The following PTPRM variants were observed in gnomAD, a reference collection of about 807,000 sequenced individuals.
PTPRM encodes the protein receptor-type tyrosine-protein phosphatase mu.
A neutral mutation model predicts 186.7 loss-of-function variants in PTPRM; 47 were observed. That is an observed-to-expected ratio of 0.25 (90% CI 0.20 to 0.32). The LOEUF (loss-of-function observed/expected upper bound fraction) is 0.32. Ranked by LOEUF, PTPRM falls within the 10% of genes least tolerant of loss-of-function variation. The probability of loss-of-function intolerance (pLI) is 1.00; values close to 1 mark genes in which losing one functional copy is unlikely to be tolerated. For synonymous variants in PTPRM, 668 were observed against 674.9 expected (o/e 0.99, Z 0.16); for missense variants, 1,494 against 1,865.0 (o/e 0.80, Z 3.66).
intron 14 of PTPRM, among the ~76,000 whole-genome samples, chr18:8,238,651 GTTTTTTTTTTTTTTTTTTTTTTTT>G (rs71165776): frequency 3.9e-5 from 1 of 25,758 alleles, no homozygotes; most frequent in Non-Finnish European, 6.8e-5. Context: ...TGTTTTGTGT[GTTTTTTTTTTTTTTTTTTTTTTTT>G]TTTTTTTTTG....
At chr18:8,336,513 C>A (rs944527356) in intron 22 of PTPRM, among the ~76,000 whole-genome samples, 6 of 151,810 alleles carry the variant, frequency 4.0e-5, no homozygotes, top group South Asian at 2.1e-4. Flanking sequence ...GATCATACCA[C>A]TGCACTCCAG....
chr18:7,608,820 A>G (rs1273248229), intron 1 of PTPRM, among the ~76,000 whole-genome samples: 1 of 152,162 alleles, frequency 6.6e-6, no homozygotes, highest in African/African-American at 2.4e-5. Flanking sequence ...AGCCTGGAGA[A>G]TTTTAGAGCT....
intron 1 of PTPRM, among the ~76,000 whole-genome samples, chr18:7,682,130 AG>A (rs1279470589): frequency 6.6e-6 from 1 of 152,238 alleles, no homozygotes; most frequent in Non-Finnish European, 1.5e-5. Context: ...AGTAAGTTGC[AG>A]AGCTGGGATT....
intron 13 of PTPRM, among the ~76,000 whole-genome samples, chr18:8,139,925 C>G (rs542382753): frequency 2.6e-5 from 4 of 152,222 alleles, no homozygotes; most frequent in Non-Finnish European, 4.4e-5. Context: ...TTTTGTCCAT[C>G]TGCTCACCAC....
intron 4 of PTPRM, among the ~76,000 whole-genome samples, chr18:7,920,554 T>C (rs2050800770): frequency 1.3e-5 from 2 of 152,218 alleles, no homozygotes; most frequent in South Asian, 4.1e-4. Context: ...GGCCTATCTC[T>C]TAACAGGTTA....
intron 14 of PTPRM, among the ~76,000 whole-genome samples, chr18:8,206,733 A>G (rs2146909783): frequency 6.6e-6 from 1 of 152,320 alleles, no homozygotes. Context: ...GGAAATTTTC[A>G]AAGTAAAATG....
chr18:7,730,270 A>G (rs2040631340), intron 1 of PTPRM, among the ~76,000 whole-genome samples: 1 of 152,272 alleles, frequency 6.6e-6, no homozygotes, highest in East Asian at 1.9e-4. Flanking sequence ...TACGTACTGG[A>G]TGCTTATTTA....
At chr18:7,574,168 T>C (rs2036629942) in intron 1 of PTPRM, among the ~76,000 whole-genome samples, 1 of 152,224 alleles carries the variant, frequency 6.6e-6, no homozygotes, top group Admixed American at 6.5e-5. Context: ...ATTCATTCAC[T>C]GCTTAGCCTC....
chr18:7,834,965 T>A, intron 2 of PTPRM, among the ~76,000 whole-genome samples: 1 of 150,976 alleles, frequency 6.6e-6, no homozygotes, highest in Non-Finnish European at 1.5e-5. Flanking sequence ...TGTCTCCTTT[T>A]TCATGTTTGA....
chr18:7,809,151 C>T (rs2044379759), intron 2 of PTPRM, among the ~76,000 whole-genome samples: 3 of 152,146 alleles, frequency 2.0e-5, no homozygotes, highest in South Asian at 4.1e-4. Flanking sequence ...AGGCTTCTAG[C>T]CTGGCTTTCT....
chr18:8,269,370 C>T (rs116751140), intron 19 of PTPRM, among the ~76,000 whole-genome samples: 1 of 151,756 alleles, frequency 6.6e-6, no homozygotes, highest in Non-Finnish European at 1.5e-5. Flanking sequence ...AACTAGAAAA[C>T]ATTTATAAAA....
At chr18:8,088,677 A>C in intron 10 of PTPRM, 72 bp from the exon 11 acceptor site, 3 of 1,274,280 alleles carry the variant, frequency 2.4e-6, no homozygotes, top group Non-Finnish European at 3.4e-6. Flanking sequence ...CTCTTTGTAA[A>C]AGAAAGTGGA....
intron 1 of PTPRM, among the ~76,000 whole-genome samples, chr18:7,652,907 A>G (rs1207040349): frequency 6.6e-6 from 1 of 152,076 alleles, no homozygotes; most frequent in Non-Finnish European, 1.5e-5. Context: ...GTATACTACT[A>G]CTACTACTAC....
At chr18:8,368,486 T>C (rs552939612) in intron 23 of PTPRM, among the ~76,000 whole-genome samples, 69 of 152,310 alleles carry the variant, frequency 4.5e-4, no homozygotes, top group South Asian at 1.2e-3. Flanking sequence ...CAAAGAAGGC[T>C]GAGCACTTAC....
intron 9 of PTPRM, among the ~76,000 whole-genome samples, chr18:8,082,730 T>C (rs1366718333): frequency 6.6e-6 from 1 of 151,654 alleles, no homozygotes; most frequent in Non-Finnish European, 1.5e-5. Context: ...CCCCCTCCAT[T>C]CCAGAATTGA....
At chr18:8,145,856 G>A (rs2092871777) in intron 14 of PTPRM, among the ~76,000 whole-genome samples, 1 of 152,186 alleles carries the variant, frequency 6.6e-6, no homozygotes, top group South Asian at 2.1e-4. Context: ...CCAGTAATGG[G>A]ATTGTTGGAT....
chr18:7,902,245 A>T (rs1271051227), intron 3 of PTPRM, among the ~76,000 whole-genome samples: 1 of 152,218 alleles, frequency 6.6e-6, no homozygotes, highest in African/African-American at 2.4e-5. Context: ...TTGCCTCTTG[A>T]TATTCTAGTT....
chr18:7,824,365 G>A (rs1219700852), intron 2 of PTPRM, among the ~76,000 whole-genome samples: 1 of 152,118 alleles, frequency 6.6e-6, no homozygotes. Context: ...ACAACTCCGT[G>A]GGGTCTCAGG....
intron 4 of PTPRM, among the ~76,000 whole-genome samples, chr18:7,908,817 G>C (rs2050124005): frequency 6.6e-6 from 1 of 152,150 alleles, no homozygotes; most frequent in South Asian, 2.1e-4. Flanking sequence ...GCAATTACCT[G>C]AGCTGGAACT....
Sources: allele counts gnomAD v4.1 joint callset (sites outside exome capture counted in the v4.1 genomes callset), GRCh38; gene constraint gnomAD v4.1.1; transcripts MANE v1.5; gene names NCBI Gene and HGNC (gene_info 2026-07-23, HGNC 2026-07-21).